IQCH: variants seen among roughly 807,000 people sequenced by gnomAD.
The protein encoded by IQCH is IQ motif containing H.
IQCH carries 98 observed loss-of-function variants against 117.0 expected under a neutral mutation model. The observed-to-expected ratio is 0.84, with a 90% CI of 0.71 to 0.99. The LOEUF (loss-of-function observed/expected upper bound fraction) is 0.99. Ranked by LOEUF, IQCH falls within the 50% of genes least tolerant of loss-of-function variation. IQCH has a pLI of 0.00. For synonymous variants in IQCH, 412 were observed against 448.2 expected (o/e 0.92, Z 1.02); for missense variants, 1,102 against 1,243.8 (o/e 0.89, Z 1.72).
Position 67,465,877 on chromosome 15 carries a change from T to C in IQCH, c.2676+580T>C, listed in dbSNP as rs1169660722. Among the ~76,000 whole-genome samples, 3 of 152,206 alleles carry C rather than the reference T, an allele frequency of 2.0e-5. No homozygotes were observed. Among genetic ancestry groups the C allele is most frequent in the African/African-American group, 4.8e-5 (2 of 41,450 alleles). ...TCTCTCCACAAAGATAGTGTCTTAG[T>C]GTCGGCTTCCACCATCTCACACCTG... is the stretch of plus-strand genomic sequence containing the variant. On this transcript the variant is annotated intron_variant, in intron 17 of 20. Transcript: ENST00000335894. The surrounding 1 kb of genome is among the most constrained non-coding windows in gnomAD (Gnocchi z 5.9).
In IQCH at chr15:67,390,027, T is replaced by C. The variant is rs1352603492; in HGVS notation, c.1632+1021T>C. 6.6e-6 allele frequency among the ~76,000 whole-genome samples: 1 copy of C among 152,216 alleles called. No homozygotes were observed. The highest frequency in any genetic ancestry group is 1.5e-5 in the Non-Finnish European group (1 of 68,040). Reference sequence around the variant, plus strand: ...CCAAAATGAAGATTTTATTTTTTCATAACTGGATGCCTCAGTATTCCCCTA... The same window carrying C: ...CCAAAATGAAGATTTTATTTTTTCACAACTGGATGCCTCAGTATTCCCCTA... On this transcript the variant is annotated intron_variant, in intron 12 of 20. Coordinates refer to ENST00000335894, the MANE Select transcript of IQCH (RefSeq NM_001031715.3). The surrounding 1 kb of genome is among the most constrained non-coding windows in gnomAD (Gnocchi z 5.0).
chr15:67,342,110 TA>T lies in IQCH; in HGVS notation c.509-1941del, dbSNP rs111370208. On this transcript the variant is annotated intron_variant, in intron 5 of 20. Coordinates refer to ENST00000335894, the MANE Select transcript of IQCH (RefSeq NM_001031715.3). The surrounding 1 kb of genome is among the most constrained non-coding windows in gnomAD (Gnocchi z 4.7). The stretch of plus-strand genomic sequence containing the variant: ...ATATAGCAAGACCTAGTCTCTACAT[TA>T]AAAAAAAAAAAGCCAGACATGATGG... Among the ~76,000 whole-genome samples the T allele has an allele frequency of 4.4e-3, 620 of 141,144 alleles. No individual in the cohort carries two copies. Among genetic ancestry groups the T allele is most frequent in the Middle Eastern group, 7.1e-3 (2 of 282 alleles). 92.6% of individuals were successfully genotyped at this position (141,144 alleles called of 152,430 possible).
chr15:67,330,515 A>G (rs1191769058), intron 4 of IQCH, among the ~76,000 whole-genome samples: 1 of 152,200 alleles, frequency 6.6e-6, no homozygotes, highest in Non-Finnish European at 1.5e-5. Flanking sequence ...AAACCTGACC[A>G]AGAGGAAGTG....
chr15:67,284,898 A>C (rs192503125), intron 4 of IQCH, among the ~76,000 whole-genome samples: 34 of 152,144 alleles, frequency 2.2e-4, no homozygotes, highest in African/African-American at 8.0e-4. Flanking sequence ...TGCTACTGTG[A>C]ATAGTGCTAC....
rs896685649 is a variant in IQCH, at chr15:67,458,348, T to C, written c.2506-6779T>C. 1.3e-5 allele frequency among the ~76,000 whole-genome samples: 2 copies of C among 152,226 alleles called. No individual in the cohort carries two copies. Among genetic ancestry groups the C allele is most frequent in the East Asian group, 3.9e-4 (2 of 5,194 alleles). ...TTTCTCATACTGCACATCCAATCCATCAATAAGTCCTTTTAGTTCTACTTT... is the reference window on the plus strand; with the variant it reads ...TTTCTCATACTGCACATCCAATCCACCAATAAGTCCTTTTAGTTCTACTTT... On this transcript the variant is annotated intron_variant, in intron 16 of 20. Transcript: ENST00000335894. The surrounding 1 kb of genome is among the most constrained non-coding windows in gnomAD (Gnocchi z 4.1).
At position 67,400,242 on chromosome 15, in the gene IQCH, C is replaced by T; in HGVS notation, c.2034C>T (p.Tyr678=). 1 of 1,613,614 alleles carries T rather than the reference C, an allele frequency of 6.2e-7. No individual in the cohort carries two copies. Among genetic ancestry groups the T allele is most frequent in the Non-Finnish European group, 8.5e-7 (1 of 1,179,700 alleles). Residue 678 remains tyrosine (Y), a synonymous_variant, in exon 14 of 21, where the codon TAC becomes TAT. Coordinates refer to ENST00000335894, the MANE Select transcript of IQCH (RefSeq NM_001031715.3). ...ATATTCCTTCCTACCTAAAGTGCTA[C>T]AAATGGGTGCTAAAGGAGAGTAGCA... ...FCDIPSYLKC[Y]KWVLKESSRY... is the part of the protein sequence containing the mutation.
intron 15 of IQCH, among the ~76,000 whole-genome samples, chr15:67,418,513 C>CCACACACACACACACACACACA (rs368875296): frequency 4.4e-5 from 5 of 114,092 alleles, no homozygotes; most frequent in Admixed American, 3.0e-4. Flanking sequence ...CAAGTGGCTA[C>CCACACACACACACACACACACA]CACACACACA....
rs531797318 is a variant in IQCH at position 67,423,226 on chromosome 15, A to C, written c.2505+1649A>C. On this transcript the variant is annotated intron_variant, in intron 16 of 20. Transcript: ENST00000335894. ...GGGGAAATCTGGATGGCAGGGATGC[A>C]GGGGGAGGAGGAGCCAGGGGAGGCT... Among the ~76,000 whole-genome samples the C allele has an allele frequency of 5.9e-5, 9 of 152,236 alleles. No individual in the cohort carries two copies. In the South Asian group the frequency reaches 1.9e-3, roughly 32 times the overall value.
chr15:67,360,796 A>T (rs1970098085), intron 8 of IQCH, among the ~76,000 whole-genome samples: 1 of 152,222 alleles, frequency 6.6e-6, no homozygotes, highest in Non-Finnish European at 1.5e-5. Context: ...GTGCCTAGAT[A>T]GAGCTGTATT....
At chr15:67,415,375 G>A (rs530371421) in intron 14 of IQCH, among the ~76,000 whole-genome samples, 6 of 152,214 alleles carry the variant, frequency 3.9e-5, no homozygotes, top group South Asian at 2.1e-4. Flanking sequence ...GCAGGGAGTC[G>A]TCCTGAGCTG....
At chr15:67,487,644 A>G (rs1241351570) in intron 18 of IQCH, among the ~76,000 whole-genome samples, 2 of 152,130 alleles carry the variant, frequency 1.3e-5, no homozygotes, top group Non-Finnish European at 2.9e-5. Flanking sequence ...CCCGAGACCA[A>G]GTAAATCAGC....
In IQCH at chr15:67,454,740, C is replaced by T. The variant is rs2082619998; in HGVS notation, c.2506-10387C>T. 6.6e-6 allele frequency among the ~76,000 whole-genome samples: 1 copy of T among 152,138 alleles called. No individual in the cohort carries two copies. The highest frequency in any genetic ancestry group is 1.5e-5 in the Non-Finnish European group (1 of 68,024). ...TTGTAGCATATATCAATGCTTTGTT[C>T]CTTTTCATGGCTTAATAATATCCCA... On this transcript the variant is annotated intron_variant, in intron 16 of 20. Transcript: ENST00000335894. The surrounding 1 kb of genome is among the most constrained non-coding windows in gnomAD (Gnocchi z 5.2).
Position 67,366,599 on chromosome 15 carries a change from C to T in IQCH, c.754-5512C>T, listed in dbSNP as rs998573846. On this transcript the variant is annotated intron_variant, in intron 8 of 20. Transcript: ENST00000335894. The surrounding 1 kb of genome is among the most constrained non-coding windows in gnomAD (Gnocchi z 4.4). The stretch of plus-strand genomic sequence containing the variant: ...TTGCTGCTGATCTGAGTGGCCTTTA[C>T]GCTCAAGTCTCTTCTTTTATATATC... Among the ~76,000 whole-genome samples the T allele has an allele frequency of 5.9e-5, 9 of 152,196 alleles. No individual in the cohort carries two copies. Among genetic ancestry groups the T allele is most frequent in the African/African-American group, 1.7e-4 (7 of 41,440 alleles).
intron 4 of IQCH, among the ~76,000 whole-genome samples, chr15:67,279,768 C>T (rs531806217): frequency 3.2e-4 from 48 of 152,128 alleles, no homozygotes; most frequent in African/African-American, 1.1e-3. Flanking sequence ...TTTGGGAGGC[C>T]GAGGTGGGTG....
chr15:67,440,878 G>A (rs1213585041), intron 16 of IQCH, among the ~76,000 whole-genome samples: 1 of 152,014 alleles, frequency 6.6e-6, no homozygotes, highest in Non-Finnish European at 1.5e-5. Flanking sequence ...AATCAGACAA[G>A]AGAAAGAAAT....
At chr15:67,450,427 C>T (rs984386894) in intron 16 of IQCH, among the ~76,000 whole-genome samples, 15 of 152,274 alleles carry the variant, frequency 9.9e-5, no homozygotes, top group African/African-American at 3.6e-4. Flanking sequence ...GAATTTTTAG[C>T]ATGAAAGGTT....
At chr15:67,260,333 A>G (rs927333406) in intron 1 of IQCH, among the ~76,000 whole-genome samples, 5 of 152,258 alleles carry the variant, frequency 3.3e-5, no homozygotes, top group African/African-American at 9.6e-5. Flanking sequence ...AGAGAAATCC[A>G]TCATTTCCAA....
At chr15:67,292,258 ACT>A (rs1393879762) in intron 4 of IQCH, among the ~76,000 whole-genome samples, 1 of 151,684 alleles carries the variant, frequency 6.6e-6, no homozygotes, top group Non-Finnish European at 1.5e-5. Context: ...AGCCATCCAG[ACT>A]CTTTTTTTGA....
At position 67,479,713 on chromosome 15, in the gene IQCH, T is replaced by C. The variant is rs1346236953; in HGVS notation, c.2799+3895T>C. Among the ~76,000 whole-genome samples, 1 of 152,224 alleles carries C rather than the reference T, an allele frequency of 6.6e-6. No homozygotes were observed. Among genetic ancestry groups the C allele is most frequent in the Non-Finnish European group, 1.5e-5 (1 of 68,040 alleles). ...TAACCTGCTCCCACTCTTGGTTGAA[T>C]TTAACATGGGTGCTCGTTCCAGAAA... On this transcript the variant is annotated intron_variant, in intron 18 of 20. Transcript: ENST00000335894. This position sits in a 1 kb window ranked among gnomAD's most constrained non-coding sequence, Gnocchi z 4.6.
Sources: gnomAD v4.1 joint callset for allele counts (sites outside exome capture counted in the v4.1 genomes callset) on GRCh38, gnomAD v4.1.1 for gene constraint, Gnocchi (gnomAD v3.1) non-coding constraint, MANE v1.5 for transcripts, NCBI Gene and HGNC (gene_info 2026-07-23, HGNC 2026-07-21) for gene names.